The following C18orf63 variants were observed in gnomAD, a reference collection of about 807,000 sequenced individuals.
The protein encoded by C18orf63 is uncharacterized protein C18orf63.
C18orf63 carries 50 observed loss-of-function variants against 75.3 expected under a neutral mutation model. That is an observed-to-expected ratio of 0.66 (90% CI 0.53 to 0.84). The LOEUF (loss-of-function observed/expected upper bound fraction) is 0.84, where lower values mean the gene tolerates loss of function less well. Ranked by LOEUF, C18orf63 falls within the 40% of genes least tolerant of loss-of-function variation. C18orf63 has a pLI of 0.00. For synonymous variants in C18orf63, 232 were observed against 267.6 expected, an observed-to-expected ratio of 0.87 and a Z score of 1.30; for missense variants, 732 against 800.2, an observed-to-expected ratio of 0.91 and a Z score of 1.03.
At chr18:74,338,951 G>T (rs1447979939) in intron 8 of C18orf63, 127 bp downstream of exon 8, 3 of 399,448 alleles carry the variant, frequency 7.5e-6, no homozygotes, top group Non-Finnish European at 1.3e-5. Flanking sequence ...ACTGAATTAT[G>T]ACTTCACAAA....
At chr18:74,331,442 T>C (rs981543287) in intron 7 of C18orf63, among the ~76,000 whole-genome samples, 2 of 152,228 alleles carry the variant, frequency 1.3e-5, no homozygotes, top group Non-Finnish European at 2.9e-5. Context: ...CCTTACACAC[T>C]AGTGTCACTC....
intron 7 of C18orf63, among the ~76,000 whole-genome samples, chr18:74,333,055 G>C (rs535651858): frequency 1.1e-3 from 161 of 152,286 alleles, no homozygotes; most frequent in Non-Finnish European, 1.8e-3. Flanking sequence ...GCTTCTGAGA[G>C]TGAAAGTGGC....
chr18:74,320,710 A>G (rs1984106337), intron 3 of C18orf63, 119 bp downstream of exon 3: 10 of 602,520 alleles, frequency 1.7e-5, no homozygotes, highest in Non-Finnish European at 2.8e-5. Context: ...ATTAATCACA[A>G]TGTGTTACAG....
chr18:74,344,160 C>T (rs1192983290), intron 11 of C18orf63, among the ~76,000 whole-genome samples: 1 of 152,022 alleles, frequency 6.6e-6, no homozygotes, highest in Non-Finnish European at 1.5e-5. Context: ...GTGTCTGGCT[C>T]CTGTCTGATT....
At chr18:74,332,366 A>G (rs1984322106) in intron 7 of C18orf63, among the ~76,000 whole-genome samples, 1 of 152,140 alleles carries the variant, frequency 6.6e-6, no homozygotes, top group Admixed American at 6.5e-5. Context: ...GAATGGATTA[A>G]TCCATTCATG....
rs567181348 is a variant in C18orf63, at chr18:74,354,227, G to A, written c.1960G>A (p.Asp654Asn). 1.0e-5 allele frequency: 16 copies of A among 1,534,056 alleles called. No individual in the cohort carries two copies. Among genetic ancestry groups the A allele is most frequent in the Middle Eastern group, 1.7e-4 (1 of 6,002 alleles). ...CAAAACTTCAAAGAAGCATCATTCC[G>A]ATACTGTGCACTATGGCCAATCCAG... ...SSKTSKKHHS[D>N]TVHYGQSSSS... The change falls in exon 12 of 14, where the codon GAT becomes AAT. Residue 654 changes from aspartate (D) to asparagine (N), a missense_variant. Asp to Asn is a conservative substitution (Grantham distance 23, BLOSUM62 1). Coordinates refer to ENST00000579455, the MANE Select transcript of C18orf63 (RefSeq NM_001174123.2).
At chr18:74,328,491 T>C (rs978133330) in intron 5 of C18orf63, among the ~76,000 whole-genome samples, 15 of 152,220 alleles carry the variant, frequency 9.9e-5, no homozygotes, top group Non-Finnish European at 2.2e-4. Flanking sequence ...CTGTTCTTAA[T>C]TTTAAGATAT....
intron 11 of C18orf63, among the ~76,000 whole-genome samples, chr18:74,352,452 A>G (rs945044320): frequency 6.6e-6 from 1 of 150,762 alleles, no homozygotes; most frequent in African/African-American, 2.4e-5. Context: ...TCATCTTTAA[A>G]AGACTGTAAA....
chr18:74,316,747 A>T (rs1275563978), intron 1 of C18orf63, among the ~76,000 whole-genome samples: 1 of 152,186 alleles, frequency 6.6e-6, no homozygotes, highest in Non-Finnish European at 1.5e-5. Flanking sequence ...CCACGTTTTG[A>T]GCTTCACAAT....
At chr18:74,356,387 C>T (rs1223370481) in intron 13 of C18orf63, 94 bp from the exon 14 acceptor site, 1 of 152,414 alleles carries the variant, frequency 6.6e-6, no homozygotes, top group Non-Finnish European at 1.5e-5. Flanking sequence ...AATAATTTCC[C>T]CTAAATATAA....
chr18:74,324,570 A>G (rs1172403295), intron 4 of C18orf63, among the ~76,000 whole-genome samples: 1 of 152,200 alleles, frequency 6.6e-6, no homozygotes, highest in Non-Finnish European at 1.5e-5. Context: ...AATGACATTA[A>G]ATGAGGACTT....
chr18:74,333,633 C>T (rs1269038336), intron 7 of C18orf63, among the ~76,000 whole-genome samples: 1 of 152,046 alleles, frequency 6.6e-6, no homozygotes, highest in Admixed American at 6.6e-5. Context: ...GGTAACTGCC[C>T]CCATGAGTAA....
intron 7 of C18orf63, among the ~76,000 whole-genome samples, chr18:74,332,394 A>G (rs1276393575): frequency 6.6e-6 from 1 of 152,094 alleles, no homozygotes; most frequent in Non-Finnish European, 1.5e-5. Flanking sequence ...AGCCCTCATC[A>G]CTCAATCACC....
intron 7 of C18orf63, among the ~76,000 whole-genome samples, chr18:74,335,908 C>A (rs1984383660): frequency 6.6e-6 from 1 of 152,020 alleles, no homozygotes; most frequent in African/African-American, 2.4e-5. Flanking sequence ...CATTAAAATT[C>A]TCAGATCGGC....
In C18orf63 at chr18:74,338,751, GA is replaced by G. The variant is rs1425201299; in HGVS notation, c.539del (p.Asp180ValfsTer16). On this transcript the variant is annotated frameshift_variant, in exon 8 of 14. Transcript: ENST00000579455. LOFTEE classifies it high-confidence loss of function. ...EFEISQSIIK[D>X]FHANKHAVIE... Reference sequence around the variant, plus strand: ...TGAGATTTCCCAGAGTATTATAAAGGATTTTCATGCTAACAAGCATGCTGTC... The same window carrying G: ...TGAGATTTCCCAGAGTATTATAAAGGTTTTCATGCTAACAAGCATGCTGTC... The G allele has an allele frequency of 7.1e-7, 1 of 1,405,054 alleles. No individual in the cohort carries two copies. The highest frequency in any genetic ancestry group is 1.4e-5 in the African/African-American group (1 of 69,856). 87.0% of individuals were successfully genotyped at this position (1,405,054 alleles called of 1,614,324 possible).
rs909089414 is a variant in C18orf63, at chr18:74,354,544, C to A, written c.*31C>A. 5 of 1,292,332 alleles carry A rather than the reference C, an allele frequency of 3.9e-6. No homozygotes were observed. In the Admixed American group the frequency reaches 9.2e-5, roughly 24 times the overall value. The allele number at this position is 1,292,332 out of a possible 1,614,324, so 80.1% of individuals were successfully genotyped here. A position where few individuals can be genotyped will look rare whatever the true frequency, so the allele number is the denominator to read the frequency against. On this transcript the variant is annotated splice_region_variant and 3_prime_UTR_variant, in exon 13 of 14. Transcript: ENST00000579455. ...GGACCTGAAAGAAGGAAATGTCTAC[C>A]AGGTAACTGAAGTGATAGCTTTTGA...
chr18:74,338,431 A>T (rs552557014), intron 7 of C18orf63, among the ~76,000 whole-genome samples: 13 of 152,006 alleles, frequency 8.6e-5, no homozygotes, highest in South Asian at 4.2e-4. Flanking sequence ...TAACATAATT[A>T]AAAAAACCAC....
At chr18:74,350,018 G>T (rs1438104578) in intron 11 of C18orf63, among the ~76,000 whole-genome samples, 1 of 152,190 alleles carries the variant, frequency 6.6e-6, no homozygotes, top group Non-Finnish European at 1.5e-5. Flanking sequence ...GTGGAATGGA[G>T]GTTGAACACC....
At chr18:74,318,044 C>G in intron 2 of C18orf63, 45 bp downstream of exon 2, 10 of 1,267,192 alleles carry the variant, frequency 7.9e-6, no homozygotes, top group Non-Finnish European at 1.0e-5. Context: ...AACTTTGAGA[C>G]CTATAAAAGC....
Sources: allele counts gnomAD v4.1 joint callset (sites outside exome capture counted in the v4.1 genomes callset), GRCh38; gene constraint gnomAD v4.1.1; transcripts MANE v1.5; gene names NCBI Gene and HGNC (gene_info 2026-07-23, HGNC 2026-07-21).